The following DGUOK variants were observed in gnomAD, a reference collection of about 807,000 sequenced individuals.
DGUOK encodes deoxyguanosine kinase, also known as deoxyguanosine kinase, mitochondrial.
Under a neutral mutation model 36.6 loss-of-function variants are expected in DGUOK, and 30 were observed. The observed-to-expected ratio is 0.82, with a 90% confidence interval of 0.61 to 1.11. The LOEUF (loss-of-function observed/expected upper bound fraction) is 1.11. Ranked by LOEUF, DGUOK falls within the 50% of genes most tolerant of loss-of-function variation. The pLI is 0.00. For missense variants in DGUOK, 361 were observed against 336.4 expected (o/e 1.07, Z -0.57); for synonymous variants, 145 against 126.3 (o/e 1.15, Z -0.99).
intron 4 of DGUOK, among the ~76,000 whole-genome samples, chr2:73,955,421 G>A (rs978452700): frequency 1.3e-5 from 2 of 152,106 alleles, no homozygotes; most frequent in South Asian, 4.1e-4. Context: ...AATTGCAAGT[G>A]CATATACCTT....
intron 4 of DGUOK, among the ~76,000 whole-genome samples, chr2:73,955,899 A>C (rs1683053311): frequency 6.6e-6 from 1 of 152,176 alleles, no homozygotes; most frequent in Non-Finnish European, 1.5e-5. Flanking sequence ...GTCCTAAATC[A>C]GTGGGTTAAT....
chr2:73,938,508 T>G (rs1036094307), intron 1 of DGUOK, among the ~76,000 whole-genome samples: 4 of 152,236 alleles, frequency 2.6e-5, no homozygotes, highest in African/African-American at 7.2e-5. Flanking sequence ...AATGAGATTA[T>G]AATCATTTTT....
At chr2:73,952,552 AGGTTTCCT>A (rs1682774556) in intron 4 of DGUOK, among the ~76,000 whole-genome samples, 1 of 152,174 alleles carries the variant, frequency 6.6e-6, no homozygotes, top group Non-Finnish European at 1.5e-5. Flanking sequence ...AAGAAGTGAC[AGGTTTCCT>A]ATGGGAGTCT....
At chr2:73,932,675 C>G (rs149961296) in intron 1 of DGUOK, 1 of 1,286,248 alleles carries the variant, frequency 7.8e-7, no homozygotes, top group East Asian at 5.5e-5. Context: ...CTGTCCTGAC[C>G]AAAATTGGGT....
rs1681962042 is a variant in DGUOK at position 73,942,302 on chromosome 2, C to T, written c.255+3280C>T. The stretch of plus-strand genomic sequence containing the variant: ...AGTCTAACCTGTCCTTCTTTTTCCT[C>T]ATAGTTAGCACCTTTGATGTTAAAA... On this transcript the variant is annotated intron_variant, in intron 2 of 6. Coordinates refer to ENST00000264093, the MANE Select transcript of DGUOK (RefSeq NM_080916.3). 2.0e-5 allele frequency among the ~76,000 whole-genome samples: 3 copies of T among 152,158 alleles called. No homozygotes were observed. The South Asian group carries it at 6.2e-4, about 31-fold the overall frequency.
chr2:73,938,761 G>A (rs1681669134), intron 1 of DGUOK, 149 bp from the exon 2 acceptor site: 7 of 675,782 alleles, frequency 1.0e-5, no homozygotes, highest in Non-Finnish European at 1.6e-5. Context: ...TCTGTTATCA[G>A]TCTGACAATG....
In DGUOK at chr2:73,950,603, T is replaced by C. The variant is rs144181978; in HGVS notation, c.462T>C (p.Asn154=). 3 of 1,614,200 alleles carry C rather than the reference T, an allele frequency of 1.9e-6. No homozygotes were observed. In the East Asian group the frequency reaches 6.7e-5, roughly 36 times the overall value. The change falls in exon 4 of 7, where the codon AAT becomes AAC. Residue 154 remains asparagine, a synonymous_variant. Transcript: ENST00000264093. ...CAACCAGGTATATCTTTGCAAAGAA[T>C]CTTTTTGAAAATGGTTCCCTCAGTG... ...VYSDRYIFAK[N]LFENGSLSDI... is the part of the protein sequence containing the mutation.
intron 2 of DGUOK, among the ~76,000 whole-genome samples, chr2:73,941,259 C>G (rs988613143): frequency 6.9e-4 from 105 of 152,120 alleles, no homozygotes; most frequent in African/African-American, 2.1e-3. Flanking sequence ...TAGCCTCAGC[C>G]AACATCTTGA....
intron 4 of DGUOK, 151 bp from the exon 5 acceptor site, chr2:73,956,973 CT>C: frequency 2.0e-6 from 1 of 510,572 alleles, no homozygotes; most frequent in Non-Finnish European, 3.6e-6. Flanking sequence ...TGTAGATCCT[CT>C]GATTGCATAA....
At chr2:73,934,990 C>T (rs1053091309) in intron 1 of DGUOK, among the ~76,000 whole-genome samples, 10 of 152,012 alleles carry the variant, frequency 6.6e-5, no homozygotes, top group African/African-American at 2.4e-4. Flanking sequence ...GCAGGAGAAT[C>T]GCTTGAACCC....
At chr2:73,952,960 A>G (rs1037022586) in intron 4 of DGUOK, among the ~76,000 whole-genome samples, 1 of 152,252 alleles carries the variant, frequency 6.6e-6, no homozygotes, top group Middle Eastern at 3.4e-3. Context: ...CTTAACTTCC[A>G]TTGAGGACCT....
At chr2:73,936,612 C>T (rs1009215889) in intron 1 of DGUOK, among the ~76,000 whole-genome samples, 1 of 152,200 alleles carries the variant, frequency 6.6e-6, no homozygotes, top group Non-Finnish European at 1.5e-5. Flanking sequence ...GGATGCCCCC[C>T]TTCTTTCCCT....
At chr2:73,943,984 T>G (rs1380055783) in intron 2 of DGUOK, among the ~76,000 whole-genome samples, 1 of 152,134 alleles carries the variant, frequency 6.6e-6, no homozygotes, top group Non-Finnish European at 1.5e-5. Context: ...TCTTTTCTTT[T>G]TCTTTAAAGA....
chr2:73,957,372 C>T lies in DGUOK; in HGVS notation c.707+132C>T, dbSNP rs1573582731. The T allele has an allele frequency of 1.5e-5, 11 of 743,418 alleles. No individual in the cohort carries two copies. In the East Asian group the frequency reaches 3.0e-4, roughly 20 times the overall value. The allele number at this position is 743,418 out of a possible 1,614,324, so 46.1% of individuals were successfully genotyped here. A position where few individuals can be genotyped will look rare whatever the true frequency, so the allele number is the denominator to read the frequency against. Reference sequence around the variant, plus strand: ...ACTGGAAATGGTTGGAAATGTCAAGCATTTTCCAACTCAGAAGTTTAATAT... The same window carrying T: ...ACTGGAAATGGTTGGAAATGTCAAGTATTTTCCAACTCAGAAGTTTAATAT... On this transcript the variant is annotated intron_variant, in intron 5 of 6. Transcript: ENST00000264093.
In DGUOK at chr2:73,927,361, G is replaced by A. The variant is rs186957012; in HGVS notation, c.142+309G>A. Among the ~76,000 whole-genome samples, 190 of 152,338 alleles carry A rather than the reference G, an allele frequency of 1.2e-3. 1 individual carries two copies. Among genetic ancestry groups the A allele is most frequent in the African/African-American group, 4.5e-3 (186 of 41,586 alleles). ...GAAATTGAAGCGACAAGCGGGTGCA[G>A]TTTATTTGTTCTCCTAGATAGGGTT... On this transcript the variant is annotated intron_variant, in intron 1 of 6. Transcript: ENST00000264093.
rs1429470420 is a variant in DGUOK, at chr2:73,926,915, C to T, written c.5C>T (p.Ala2Val). The change falls in exon 1 of 7, where the codon GCC becomes GTC. Residue 2 changes from alanine (A) to valine (V), a missense_variant. Ala to Val is a moderately conservative substitution (Grantham distance 64, BLOSUM62 0). Transcript: ENST00000264093. Reference protein sequence around the residue: MAAGRLFLSRLR... With the variant: MVAGRLFLSRLR... ...GCTGTGTGAATCGTGGGTGGGATGG[C>T]CGCGGGCCGCCTCTTTCTAAGTCGG... The T allele has an allele frequency of 5.0e-6, 8 of 1,613,470 alleles. No individual in the cohort carries two copies. The highest frequency in any genetic ancestry group is 1.1e-5 in the South Asian group (1 of 91,086).
rs1180445898 is a variant in DGUOK, at chr2:73,946,702, T to C, written c.256-17T>C. 1 of 1,613,964 alleles carries C rather than the reference T, an allele frequency of 6.2e-7. No homozygotes were observed. Among genetic ancestry groups the C allele is most frequent in the Non-Finnish European group, 8.5e-7 (1 of 1,179,874 alleles). On this transcript the variant is annotated splice_polypyrimidine_tract_variant and intron_variant, in intron 2 of 6. Transcript: ENST00000264093. ...TGCTTTCTAGGAAATTTTCTTCTTT[T>C]TTTCATCTCCCTCTAGGCCTGCACT...
chr2:73,937,008 A>G (rs1681517506), intron 1 of DGUOK, among the ~76,000 whole-genome samples: 1 of 152,234 alleles, frequency 6.6e-6, no homozygotes, highest in Non-Finnish European at 1.5e-5. Context: ...ATGGGAAAGC[A>G]TATGCAAAGT....
intron 4 of DGUOK, 114 bp from the exon 5 acceptor site, chr2:73,957,011 A>G (rs958431930): frequency 4.1e-6 from 3 of 732,428 alleles, no homozygotes; most frequent in Non-Finnish European, 7.5e-6. Context: ...AAGCAAAGGC[A>G]TGGCTTGTAA....
Sources: gnomAD v4.1 joint callset for allele counts (sites outside exome capture counted in the v4.1 genomes callset) on GRCh38, gnomAD v4.1.1 for gene constraint, MANE v1.5 for transcripts, NCBI Gene and HGNC (gene_info 2026-07-23, HGNC 2026-07-21) for gene names.